Variants in HMGN5 observed in about 807,000 individuals in gnomAD.
HMGN5 encodes the protein high mobility group nucleosome binding domain 5.
A neutral mutation model predicts 9.5 loss-of-function variants in HMGN5; 4 were observed. The ratio of observed to expected loss-of-function variants is 0.42; its 90% CI spans 0.21 to 0.96. The LOEUF (loss-of-function observed/expected upper bound fraction) is 0.96. Among genes scored for constraint, HMGN5 ranks in the 40% least tolerant of loss-of-function variants. The pLI is 0.30. For synonymous variants in HMGN5, 55 were observed against 57.1 expected (o/e 0.96, Z 0.16); for missense variants, 192 against 187.5 (o/e 1.02, Z -0.14).
intron 1 of HMGN5, among the ~76,000 whole-genome samples, chrX:81,175,463 C>T (rs2075438945): frequency 1.8e-5 from 2 of 110,501 alleles, no homozygotes; most frequent in South Asian, 7.7e-4. Flanking sequence ...TGTAGAGTTA[C>T]GAGACTTGTG....
chrX:81,184,079 G>A (rs144553636), intron 1 of HMGN5, among the ~76,000 whole-genome samples: 9 of 111,112 alleles, frequency 8.1e-5, no homozygotes, highest in African/African-American at 1.6e-4. Flanking sequence ...GGGAGGGGCC[G>A]GGGTGGAATG....
At chrX:81,176,377 C>T (rs1389182894) in intron 1 of HMGN5, among the ~76,000 whole-genome samples, 1 of 111,603 alleles carries the variant, frequency 9.0e-6, no homozygotes, top group East Asian at 2.8e-4. Flanking sequence ...AGCACCTCCT[C>T]TCCTCCAAAG....
At chrX:81,124,143 T>C (rs1209653338) in intron 1 of HMGN5, among the ~76,000 whole-genome samples, 1 of 112,393 alleles carries the variant, frequency 8.9e-6, no homozygotes, top group Non-Finnish European at 1.9e-5. Context: ...GGCTAACGTG[T>C]TGCAACTGTG....
chrX:81,122,744 C>A (rs1241610268), intron 1 of HMGN5, among the ~76,000 whole-genome samples: 1 of 111,554 alleles, frequency 9.0e-6, no homozygotes, highest in Non-Finnish European at 1.9e-5. Context: ...CACTCTAGTC[C>A]CAGCCATATT....
chrX:81,188,243 C>T (rs1207328586), intron 1 of HMGN5, among the ~76,000 whole-genome samples: 1 of 102,398 alleles, frequency 9.8e-6, no homozygotes, highest in Non-Finnish European at 2.0e-5. Flanking sequence ...GGACTACAGG[C>T]ATGTGCCACT....
At chrX:81,185,700 G>C (rs968569456) in intron 1 of HMGN5, among the ~76,000 whole-genome samples, 2 of 111,358 alleles carry the variant, frequency 1.8e-5, no homozygotes, top group Admixed American at 9.6e-5. Flanking sequence ...CTTGATCTTA[G>C]AGAAATGACT....
At chrX:81,178,365 G>A (rs755355747) in intron 1 of HMGN5, among the ~76,000 whole-genome samples, 38 of 110,825 alleles carry the variant, frequency 3.4e-4, no homozygotes, top group African/African-American at 1.2e-3. Flanking sequence ...CAATAAAAAA[G>A]GATAAAGGGG....
At chrX:81,190,828 G>T (rs1403499829) in intron 1 of HMGN5, among the ~76,000 whole-genome samples, 1 of 111,142 alleles carries the variant, frequency 9.0e-6, no homozygotes, top group East Asian at 2.8e-4. Context: ...TTTGTTAAAA[G>T]AACTACCTTA....
At chrX:81,164,677 C>A (rs968381386) in intron 1 of HMGN5, among the ~76,000 whole-genome samples, 11 of 111,329 alleles carry the variant, frequency 9.9e-5, no homozygotes, top group African/African-American at 2.6e-4. Context: ...CAGTACCAAA[C>A]AAAGAAGCTG....
chrX:81,121,672 T>G lies in HMGN5; in HGVS notation c.-123A>C, dbSNP rs897783058. On this transcript the variant is annotated splice_region_variant and 5_prime_UTR_variant, in exon 2 of 7. The change abolishes the stop of an existing upstream ORF in the 5' untranslated region. Coordinates refer to ENST00000358130, the MANE Select transcript of HMGN5 (RefSeq NM_030763.3). ...AACTGCAGCACGACCTGTACTCTCC[T>G]CTGGAAAAAAAAAAAATCCCTCGTT... 1.2e-5 allele frequency: 5 copies of G among 432,586 alleles called. No individual in the cohort carries two copies. The highest frequency in any genetic ancestry group is 3.9e-6 in the Non-Finnish European group (1 of 258,049). The allele number at this position is 432,586 out of a possible 1,213,427, so 35.6% of individuals were successfully genotyped here.
At chrX:81,182,489 C>T (rs1371935926) in intron 1 of HMGN5, among the ~76,000 whole-genome samples, 3 of 111,643 alleles carry the variant, frequency 2.7e-5, no homozygotes, top group African/African-American at 9.8e-5. Context: ...ACTCCGTCCC[C>T]ATTGGAGCTG....
intron 1 of HMGN5, among the ~76,000 whole-genome samples, chrX:81,190,300 A>T (rs1429303090): frequency 1.8e-5 from 2 of 111,609 alleles, no homozygotes; most frequent in Non-Finnish European, 3.8e-5. Flanking sequence ...ATTTGGTAAC[A>T]GATTTATTAA....
intron 1 of HMGN5, among the ~76,000 whole-genome samples, chrX:81,178,783 A>G (rs1324632887): frequency 8.9e-6 from 1 of 111,942 alleles, no homozygotes; most frequent in Admixed American, 9.5e-5. Context: ...CCTAATGAAT[A>G]TAGATGAGAA....
chrX:81,197,191 C>T (rs1487793682), intron 1 of HMGN5, among the ~76,000 whole-genome samples: 1 of 112,243 alleles, frequency 8.9e-6, no homozygotes, highest in African/African-American at 3.2e-5. Flanking sequence ...TTTTCAGCCA[C>T]AAGCAATTCA....
chrX:81,116,657 C>T (rs1197092038), intron 5 of HMGN5, among the ~76,000 whole-genome samples: 1 of 111,879 alleles, frequency 8.9e-6, no homozygotes, highest in East Asian at 2.8e-4. Context: ...CTGCTGGCAT[C>T]AGGTTAGACT....
At chrX:81,159,148 C>G (rs747276106) in intron 1 of HMGN5, among the ~76,000 whole-genome samples, 1 of 111,710 alleles carries the variant, frequency 9.0e-6, no homozygotes, top group South Asian at 3.8e-4. Flanking sequence ...AAACCAAGCA[C>G]TGCATGTTCT....
intron 6 of HMGN5, 65 bp downstream of exon 6, chrX:81,116,139 A>G (rs2075252778): frequency 1.2e-6 from 1 of 862,375 alleles, no homozygotes; most frequent in Admixed American, 3.0e-5. Flanking sequence ...GGCAAATAGG[A>G]TTTCTTTCAG....
chrX:81,132,674 A>G (rs2075300761), intron 1 of HMGN5, among the ~76,000 whole-genome samples: 1 of 111,655 alleles, frequency 9.0e-6, no homozygotes, highest in African/African-American at 3.3e-5. Context: ...CCCCTTCCTT[A>G]TATCATATAG....
At chrX:81,151,348 T>C (rs950583640) in intron 1 of HMGN5, among the ~76,000 whole-genome samples, 3 of 111,754 alleles carry the variant, frequency 2.7e-5, no homozygotes, top group Non-Finnish European at 5.6e-5. Flanking sequence ...TTGGTTACTG[T>C]AGCCTTGTAG....
Sources: allele counts gnomAD v4.1 joint callset (sites outside exome capture counted in the v4.1 genomes callset), GRCh38; gene constraint gnomAD v4.1.1; transcripts MANE v1.5; gene names NCBI Gene and HGNC (gene_info 2026-07-23, HGNC 2026-07-21).